SLC25A36: variants seen among roughly 807,000 people sequenced by gnomAD.
The protein encoded by SLC25A36 is epididymis secretory sperm binding protein.
In SLC25A36, 24 loss-of-function variants were observed where a neutral mutation model predicts 35.3. The ratio of observed to expected loss-of-function variants is 0.68; its 90% CI spans 0.49 to 0.96. SLC25A36 has a LOEUF of 0.96. Ranked by LOEUF, SLC25A36 falls within the 40% of genes least tolerant of loss-of-function variation. The probability of loss-of-function intolerance (pLI) is 0.00; values close to 1 mark genes in which losing one functional copy is unlikely to be tolerated. For synonymous variants in SLC25A36, 141 were observed against 132.2 expected, an observed-to-expected ratio of 1.07 and a Z score of -0.46; for missense variants, 294 against 381.1, an observed-to-expected ratio of 0.77 and a Z score of 1.90.
intron 1 of SLC25A36, among the ~76,000 whole-genome samples, chr3:140,943,366 A>G (rs1336388994): frequency 6.6e-6 from 1 of 152,236 alleles, no homozygotes; most frequent in East Asian, 1.9e-4. Context: ...TCATCAACAA[A>G]TATTTGTTGT....
chr3:140,975,394 C>T (rs933998723), intron 6 of SLC25A36, among the ~76,000 whole-genome samples: 3 of 152,086 alleles, frequency 2.0e-5, no homozygotes, highest in Admixed American at 6.6e-5. Flanking sequence ...CAGGCATGAG[C>T]CACCACACCT....
chr3:140,955,276 G>A (rs1934449790), intron 1 of SLC25A36, among the ~76,000 whole-genome samples: 2 of 151,828 alleles, frequency 1.3e-5, no homozygotes. Context: ...TTATTGTGGA[G>A]GTAGAATTGT....
chr3:140,975,097 C>CTTTTTTTT (rs10662120), intron 6 of SLC25A36, among the ~76,000 whole-genome samples: 2,313 of 55,100 alleles, frequency 0.042, 842 homozygotes, highest in Non-Finnish European at 0.061. Context: ...AAGATACATT[C>CTTTTTTTT]TTTTTTTTTT....
chr3:140,949,145 C>A (rs966973783), intron 1 of SLC25A36, among the ~76,000 whole-genome samples: 13 of 152,134 alleles, frequency 8.5e-5, no homozygotes, highest in African/African-American at 3.1e-4. Flanking sequence ...AAAACACTAT[C>A]TTTTTGCCAC....
At chr3:140,965,277 G>T (rs1477469147) in intron 4 of SLC25A36, 2 of 151,256 alleles carry the variant, frequency 1.3e-5, no homozygotes, top group Non-Finnish European at 3.0e-5. Context: ...ATTACTCGGG[G>T]TTTTTTTTAG....
intron 1 of SLC25A36, among the ~76,000 whole-genome samples, chr3:140,955,346 T>C (rs557023352): frequency 1.3e-5 from 2 of 152,220 alleles, no homozygotes; most frequent in South Asian, 4.1e-4. Flanking sequence ...ATTTTGAAGG[T>C]CCACGTTAAC....
At chr3:140,951,539 A>G (rs986715579) in intron 1 of SLC25A36, among the ~76,000 whole-genome samples, 9 of 151,686 alleles carry the variant, frequency 5.9e-5, no homozygotes, top group African/African-American at 2.2e-4. Context: ...TGGAGTGTGC[A>G]CTGGCACAAT....
At chr3:140,971,086 T>C (rs970877239) in intron 5 of SLC25A36, 93 bp downstream of exon 5, 7 of 633,134 alleles carry the variant, frequency 1.1e-5, no homozygotes, top group Admixed American at 2.4e-5. Context: ...TGAATTTGTT[T>C]GTTGTTGTAG....
At chr3:140,961,646 G>A (rs961479716) in intron 3 of SLC25A36, among the ~76,000 whole-genome samples, 1 of 151,888 alleles carries the variant, frequency 6.6e-6, no homozygotes, top group African/African-American at 2.4e-5. Context: ...ACAAGGTCAG[G>A]AGATCGAGAC....
chr3:140,971,239 C>A (rs1417864790), intron 5 of SLC25A36, among the ~76,000 whole-genome samples: 2 of 151,788 alleles, frequency 1.3e-5, no homozygotes, highest in African/African-American at 4.8e-5. Context: ...TAGAAAGATA[C>A]CATAGAGAAA....
At chr3:140,959,967 G>A (rs958977162) in intron 3 of SLC25A36, among the ~76,000 whole-genome samples, 3 of 152,060 alleles carry the variant, frequency 2.0e-5, no homozygotes, top group Admixed American at 6.5e-5. Flanking sequence ...AGTTTTAAAT[G>A]TTAAAATTCT....
Position 140,970,949 on chromosome 3 carries a change from C to T in SLC25A36, c.408C>T (p.Thr136=). The change falls in exon 5 of 7, where the codon ACC becomes ACT. Residue 136 remains threonine, a synonymous_variant. Coordinates refer to ENST00000324194, the MANE Select transcript of SLC25A36 (RefSeq NM_001104647.3). ...AMAGFTAITA[T]NPIWLIKTRL... is the part of the protein sequence containing the mutation. ...TAGGTTTTACTGCAATCACAGCAAC[C>T]AACCCCATTTGGCTTATAAAGACTC... 7 of 1,528,696 alleles carry T rather than the reference C, an allele frequency of 4.6e-6. No homozygotes were observed. The highest frequency in any genetic ancestry group is 6.3e-6 in the Non-Finnish European group (7 of 1,103,588). The allele number at this position is 1,528,696 out of a possible 1,614,324, so 94.7% of individuals were successfully genotyped here.
At chr3:140,951,981 G>A (rs1037987908) in intron 1 of SLC25A36, among the ~76,000 whole-genome samples, 1 of 150,978 alleles carries the variant, frequency 6.6e-6, no homozygotes, top group Non-Finnish European at 1.5e-5. Context: ...TTACAGGCAT[G>A]TGCCACTGCA....
chr3:140,943,956 C>T (rs953801903), intron 1 of SLC25A36, among the ~76,000 whole-genome samples: 1 of 148,866 alleles, frequency 6.7e-6, no homozygotes, highest in Non-Finnish European at 1.5e-5. Flanking sequence ...GCTCCATCCC[C>T]TCCCCCCCAG....
At chr3:140,968,253 C>T (rs553642578) in intron 4 of SLC25A36, 2 of 940,478 alleles carry the variant, frequency 2.1e-6, no homozygotes, top group African/African-American at 3.5e-5. Flanking sequence ...AACTCAAGGA[C>T]CTGAGTTTTT....
At position 140,974,684 on chromosome 3, in the gene SLC25A36, A is replaced by C. The variant is rs1167026606; in HGVS notation, c.742+679A>C. 2.0e-5 allele frequency among the ~76,000 whole-genome samples: 3 copies of C among 152,022 alleles called. No homozygotes were observed. In the East Asian group the frequency reaches 5.8e-4, roughly 29 times the overall value. On this transcript the variant is annotated intron_variant, in intron 6 of 6. Coordinates refer to ENST00000324194, the MANE Select transcript of SLC25A36 (RefSeq NM_001104647.3). ...TTTTGGTAGCTTTTTTGGTTGTTTT[A>C]AGTGTCGCTTTTGATTTTTGCATGT...
rs757501015 is a variant in SLC25A36, at chr3:140,963,176, G to A, written c.334G>A (p.Val112Ile). The change falls in exon 4 of 7, where the codon GTA (valine) becomes ATA (isoleucine). Residue 112 changes from valine (V) to isoleucine (I), a missense_variant. Val to Ile is a conservative substitution (Grantham distance 29). Transcript: ENST00000324194. ...YSNCKEKLND[V>I]FDPDSTQVHM... is the part of the protein sequence containing the mutation. Reference sequence around the variant, plus strand: ...AAACTGCAAGGAAAAGTTGAATGATGTATTTGATCCTGATTCTACCCAAGT... The same window carrying A: ...AAACTGCAAGGAAAAGTTGAATGATATATTTGATCCTGATTCTACCCAAGT... 28 of 1,595,382 alleles carry A rather than the reference G, an allele frequency of 1.8e-5. No homozygotes were observed. Among genetic ancestry groups the A allele is most frequent in the Non-Finnish European group, 2.1e-5 (25 of 1,175,076 alleles).
At chr3:140,956,979 T>G in intron 2 of SLC25A36, 1 of 267,710 alleles carries the variant, frequency 3.7e-6, no homozygotes, top group African/African-American at 2.2e-5. Context: ...TTTGGATTAT[T>G]CATTTACTTT....
chr3:140,950,027 T>C (rs1259258428), intron 1 of SLC25A36, among the ~76,000 whole-genome samples: 1 of 152,198 alleles, frequency 6.6e-6, no homozygotes, highest in Non-Finnish European at 1.5e-5. Context: ...TTATACATCA[T>C]CTTTCTGTTC....
Sources: allele counts gnomAD v4.1 joint callset (sites outside exome capture counted in the v4.1 genomes callset), GRCh38; gene constraint gnomAD v4.1.1; transcripts MANE v1.5; gene names NCBI Gene and HGNC (gene_info 2026-07-23, HGNC 2026-07-21).